Variants in TYW1B observed in about 807,000 individuals in gnomAD.
TYW1B encodes tRNA-yW synthesizing protein 1 homolog B.
Under a neutral mutation model 86.9 loss-of-function variants are expected in TYW1B, and 73 were observed. That is an observed-to-expected ratio of 0.84 (90% confidence interval 0.70 to 1.02). The LOEUF is 1.02. Ranked by LOEUF, TYW1B falls within the 50% of genes least tolerant of loss-of-function variation. TYW1B has a pLI of 0.00. For synonymous variants in TYW1B, 248 were observed against 292.8 expected, an observed-to-expected ratio of 0.85 and a Z score of 1.56; for missense variants, 637 against 827.4, an observed-to-expected ratio of 0.77 and a Z score of 2.82.
intron 13 of TYW1B, among the ~76,000 whole-genome samples, chr7:72,596,790 T>C (rs1307874470): frequency 2.0e-5 from 3 of 148,282 alleles, no homozygotes; most frequent in Non-Finnish European, 4.4e-5. Flanking sequence ...TATGAAAAAT[T>C]TTAAAAGGCA....
At chr7:72,683,692 G>C (rs782238242) in intron 11 of TYW1B, among the ~76,000 whole-genome samples, 5 of 152,098 alleles carry the variant, frequency 3.3e-5, no homozygotes, top group Admixed American at 6.6e-5. Context: ...CTTTTACCCA[G>C]GATATCACAT....
intron 8 of TYW1B, among the ~76,000 whole-genome samples, chr7:72,741,397 A>T (rs2129571291): frequency 6.6e-6 from 1 of 152,308 alleles, no homozygotes; most frequent in Non-Finnish European, 1.5e-5. Flanking sequence ...GTGAAGTGGA[A>T]GACAAATCAA....
chr7:72,791,208 C>T (rs1480603025), intron 6 of TYW1B, among the ~76,000 whole-genome samples: 12 of 152,094 alleles, frequency 7.9e-5, no homozygotes, highest in African/African-American at 2.9e-4. Flanking sequence ...CAGTCCCCAG[C>T]AGCCGCTCTT....
At chr7:72,735,785 G>T (rs1189570693) in intron 8 of TYW1B, among the ~76,000 whole-genome samples, 2 of 149,072 alleles carry the variant, frequency 1.3e-5, no homozygotes, top group East Asian at 4.0e-4. Context: ...GACAAGAATC[G>T]CTTGAACCTG....
At chr7:72,825,275 AAGAG>A (rs1554481245) in intron 2 of TYW1B, among the ~76,000 whole-genome samples, 1 of 152,128 alleles carries the variant, frequency 6.6e-6, no homozygotes, top group Non-Finnish European at 1.5e-5. Flanking sequence ...CCCCCCAAAA[AAGAG>A]AGAATGGGAA....
chr7:72,695,944 CT>C, intron 10 of TYW1B, among the ~76,000 whole-genome samples: 2 of 111,014 alleles, frequency 1.8e-5, no homozygotes, highest in African/African-American at 3.5e-5. Flanking sequence ...TATACTTTTT[CT>C]TTTCTTTTTT....
chr7:72,794,078 T>C (rs2129572339), intron 6 of TYW1B, among the ~76,000 whole-genome samples: 1 of 152,266 alleles, frequency 6.6e-6, no homozygotes, highest in East Asian at 1.9e-4. Context: ...TGAGCACTGC[T>C]GCTAGGTAGG....
intron 7 of TYW1B, among the ~76,000 whole-genome samples, chr7:72,762,689 C>T (rs562899070): frequency 1.4e-4 from 22 of 151,924 alleles, no homozygotes; most frequent in African/African-American, 5.1e-4. Context: ...AGACAGTGTC[C>T]CACTCTGTCA....
intron 10 of TYW1B, among the ~76,000 whole-genome samples, chr7:72,710,052 C>T (rs1786608821): frequency 6.6e-6 from 1 of 152,166 alleles, no homozygotes; most frequent in Non-Finnish European, 1.5e-5. Context: ...ATGTGCCCGG[C>T]ATTTTGCTGG....
intron 12 of TYW1B, among the ~76,000 whole-genome samples, chr7:72,626,179 A>G (rs1369100662): frequency 3.3e-5 from 5 of 151,126 alleles, no homozygotes; most frequent in Non-Finnish European, 1.5e-5. Flanking sequence ...CCAGAGATAA[A>G]ATGTTACGTA....
intron 10 of TYW1B, among the ~76,000 whole-genome samples, chr7:72,706,111 C>T (rs1563065975): frequency 2.0e-5 from 3 of 152,116 alleles, no homozygotes. Context: ...TATCAAAATG[C>T]GGATTGCATA....
intron 12 of TYW1B, among the ~76,000 whole-genome samples, chr7:72,624,717 T>C (rs1812297998): frequency 6.6e-6 from 1 of 152,234 alleles, no homozygotes; most frequent in Non-Finnish European, 1.5e-5. Flanking sequence ...TGCCTCCCTC[T>C]GAAGTAACAT....
chr7:72,773,898 CTACTAAAAA>C (rs1787907386), intron 7 of TYW1B, among the ~76,000 whole-genome samples: 1 of 151,852 alleles, frequency 6.6e-6, no homozygotes, highest in Non-Finnish European at 1.5e-5. Flanking sequence ...AACCCTGTCT[CTACTAAAAA>C]TACAAAAATT....
At chr7:72,670,302 C>T (rs1813567180) in intron 11 of TYW1B, among the ~76,000 whole-genome samples, 1 of 152,222 alleles carries the variant, frequency 6.6e-6, no homozygotes, top group Admixed American at 6.5e-5. Flanking sequence ...AGCGATTCTC[C>T]TGCCTCAGCC....
intron 11 of TYW1B, among the ~76,000 whole-genome samples, chr7:72,634,827 G>A (rs1585865223): frequency 6.6e-6 from 1 of 152,054 alleles, no homozygotes; most frequent in Non-Finnish European, 1.5e-5. Flanking sequence ...GTCTCTGTTG[G>A]AATATTTGTC....
chr7:72,793,840 T>C (rs537654816), intron 6 of TYW1B, among the ~76,000 whole-genome samples: 5 of 152,020 alleles, frequency 3.3e-5, no homozygotes, highest in African/African-American at 1.2e-4. Flanking sequence ...TTTTGAAGAC[T>C]TCTCTAGAGA....
At chr7:72,734,257 C>CA (rs111714599) in intron 8 of TYW1B, among the ~76,000 whole-genome samples, 6,265 of 35,808 alleles carry the variant, frequency 0.17, 976 homozygotes, top group African/African-American at 0.4. Context: ...AACTCCATCT[C>CA]AAAAAAAAAA....
intron 5 of TYW1B, among the ~76,000 whole-genome samples, chr7:72,804,185 T>TG (rs1249061301): frequency 6.7e-6 from 1 of 150,348 alleles, no homozygotes; most frequent in African/African-American, 2.5e-5. Context: ...CTCCAAAGGC[T>TG]GAGACAGGAG....
chr7:72,713,158 G>A (rs572414459), intron 10 of TYW1B, among the ~76,000 whole-genome samples: 134 of 151,168 alleles, frequency 8.9e-4, no homozygotes, highest in African/African-American at 3.1e-3. Context: ...AAAATTAGCT[G>A]GGCATGGTGC....
Sources: gnomAD v4.1 joint callset for allele counts (sites outside exome capture counted in the v4.1 genomes callset) on GRCh38, gnomAD v4.1.1 for gene constraint, MANE v1.5 for transcripts, NCBI Gene and HGNC (gene_info 2026-07-23, HGNC 2026-07-21) for gene names.